SPATA16: variants seen among roughly 807,000 people sequenced by gnomAD.
SPATA16 encodes the protein spermatogenesis-associated protein 16.
Under a neutral mutation model 63.3 loss-of-function variants are expected in SPATA16, and 36 were observed. The observed-to-expected ratio is 0.57, with a 90% CI of 0.44 to 0.75. The LOEUF (loss-of-function observed/expected upper bound fraction) is 0.75, where lower values mean the gene tolerates loss of function less well. Ranked by LOEUF, SPATA16 falls within the 30% of genes least tolerant of loss-of-function variation. SPATA16 has a pLI of 0.00. For synonymous variants in SPATA16, 203 were observed against 216.7 expected, an observed-to-expected ratio of 0.94 and a Z score of 0.56; for missense variants, 646 against 679.3, an observed-to-expected ratio of 0.95 and a Z score of 0.54.
intron 2 of SPATA16, among the ~76,000 whole-genome samples, chr3:173,062,972 G>A (rs895276647): frequency 1.3e-5 from 2 of 152,162 alleles, no homozygotes; most frequent in African/African-American, 4.8e-5. Flanking sequence ...AGTAATGCTC[G>A]CTGGCCCCCC....
chr3:173,022,262 A>C (rs866254490), intron 3 of SPATA16, among the ~76,000 whole-genome samples: 1 of 152,222 alleles, frequency 6.6e-6, no homozygotes, highest in African/African-American at 2.4e-5. Context: ...GAGTTTAGAA[A>C]TCACTATTGC....
chr3:173,031,572 A>G (rs1735610221), intron 3 of SPATA16, among the ~76,000 whole-genome samples: 1 of 152,044 alleles, frequency 6.6e-6, no homozygotes, highest in Non-Finnish European at 1.5e-5. Context: ...GTTGCTTCTT[A>G]GAGAGTCTTT....
chr3:173,020,036 C>T (rs1735288258), intron 3 of SPATA16, among the ~76,000 whole-genome samples: 1 of 151,084 alleles, frequency 6.6e-6, no homozygotes, highest in Non-Finnish European at 1.5e-5. Flanking sequence ...TGGCTCATGC[C>T]TGTAATCCCA....
At chr3:173,049,342 G>A (rs546626297) in intron 2 of SPATA16, among the ~76,000 whole-genome samples, 26 of 152,100 alleles carry the variant, frequency 1.7e-4, no homozygotes, top group Middle Eastern at 3.4e-3. Flanking sequence ...TAAAATAAGG[G>A]ACACATTGTA....
At chr3:172,954,218 C>T (rs1733517399) in intron 6 of SPATA16, among the ~76,000 whole-genome samples, 1 of 152,198 alleles carries the variant, frequency 6.6e-6, no homozygotes, top group Admixed American at 6.5e-5. Context: ...GCCTCACAAT[C>T]ATGGTGGAAG....
At position 173,069,957 on chromosome 3, in the gene SPATA16, G is replaced by GAA. The variant is rs35163779; in HGVS notation, c.613-20865_613-20864dup. ...AACATTCCCTTCATGATAAAAAGACGAAAAAAAAAAACTGGGTGTAGAGGG... is the reference window on the plus strand; with the variant it reads ...AACATTCCCTTCATGATAAAAAGACGAAAAAAAAAAAAACTGGGTGTAGAGGG... On this transcript the variant is annotated intron_variant, in intron 2 of 10. Coordinates refer to ENST00000351008, the MANE Select transcript of SPATA16 (RefSeq NM_031955.6). Among the ~76,000 whole-genome samples the GAA allele has an allele frequency of 3.8e-3, 564 of 147,168 alleles. 2 individuals are homozygous for GAA. The highest frequency in any genetic ancestry group is 0.012 in the African/African-American group (498 of 40,370).
chr3:173,020,492 C>A (rs1157327308), intron 3 of SPATA16, among the ~76,000 whole-genome samples: 2 of 152,140 alleles, frequency 1.3e-5, no homozygotes, highest in Admixed American at 1.3e-4. Flanking sequence ...AATGACAAGG[C>A]TTGACTTGTG....
intron 4 of SPATA16, 111 bp from the exon 5 acceptor site, chr3:172,977,163 A>C (rs1734182155): frequency 1.1e-6 from 1 of 907,040 alleles, no homozygotes; most frequent in South Asian, 1.5e-5. Context: ...TTAATGTATA[A>C]ATTTGTCTAG....
At chr3:173,124,088 G>A (rs1451234773) in intron 1 of SPATA16, among the ~76,000 whole-genome samples, 1 of 152,172 alleles carries the variant, frequency 6.6e-6, no homozygotes, top group Non-Finnish European at 1.5e-5. Flanking sequence ...GCCACCAAAT[G>A]AGGAAAATGG....
chr3:173,138,168 C>A (rs1738603169), intron 1 of SPATA16, among the ~76,000 whole-genome samples: 1 of 152,086 alleles, frequency 6.6e-6, no homozygotes, highest in South Asian at 2.1e-4. Flanking sequence ...GCATTGAATT[C>A]TTCTGCCTGA....
Position 172,954,535 on chromosome 3 carries a change from C to T in SPATA16, c.1081+2142G>A, listed in dbSNP as rs567519322. ...CTAGGCCCTATCTGTCTTTATGTTA[C>T]TTACTTCTTAGCTATTACCTTCGGC... On this transcript the variant is annotated intron_variant, in intron 6 of 10. Transcript: ENST00000351008. Among the ~76,000 whole-genome samples, 172 of 152,286 alleles carry T rather than the reference C, an allele frequency of 1.1e-3. 1 individual carries two copies. The highest frequency in any genetic ancestry group is 4.0e-3 in the African/African-American group (168 of 41,572).
intron 6 of SPATA16, among the ~76,000 whole-genome samples, chr3:172,940,656 C>T (rs1036535921): frequency 5.3e-5 from 8 of 152,098 alleles, no homozygotes; most frequent in African/African-American, 1.7e-4. Context: ...ACCTATATAA[C>T]TTGAACATGT....
intron 4 of SPATA16, among the ~76,000 whole-genome samples, chr3:173,009,002 A>G (rs1379773500): frequency 6.6e-6 from 1 of 152,200 alleles, no homozygotes; most frequent in African/African-American, 2.4e-5. Flanking sequence ...AAATTCATGA[A>G]TTCTGCAAAT....
chr3:172,889,386 G>T lies in SPATA16; in HGVS notation c.*184C>A. On this transcript the variant is annotated 3_prime_UTR_variant, in exon 11 of 11. Transcript: ENST00000351008. ...GTCAAACTTGCTGAGAATATTTATTGCTGCCAGTTGAGATTAATGAAACAT... is the reference window on the plus strand; with the variant it reads ...GTCAAACTTGCTGAGAATATTTATTTCTGCCAGTTGAGATTAATGAAACAT... 1.2e-6 allele frequency: 1 copy of T among 824,718 alleles called. No homozygotes were observed. Among genetic ancestry groups the T allele is most frequent in the Non-Finnish European group, 1.9e-6 (1 of 517,834 alleles). The allele number at this position is 824,718 out of a possible 1,614,324, so 51.1% of individuals were successfully genotyped here.
intron 2 of SPATA16, among the ~76,000 whole-genome samples, chr3:173,110,300 G>A (rs974375884): frequency 6.6e-6 from 1 of 152,170 alleles, no homozygotes; most frequent in African/African-American, 2.4e-5. Flanking sequence ...TGTGCGAGAG[G>A]CAGTTAGTAG....
intron 5 of SPATA16, among the ~76,000 whole-genome samples, chr3:172,960,911 TCC>T (rs1478621653): frequency 4.3e-4 from 63 of 147,862 alleles, no homozygotes; most frequent in East Asian, 5.9e-4. Flanking sequence ...CCTTCCTCCC[TCC>T]CTCCCTTCCT....
At chr3:173,027,762 A>C (rs1489454335) in intron 3 of SPATA16, among the ~76,000 whole-genome samples, 2 of 151,752 alleles carry the variant, frequency 1.3e-5, no homozygotes, top group Non-Finnish European at 2.9e-5. Context: ...CCCAAAGCAG[A>C]GGGTTTATGC....
intron 3 of SPATA16, among the ~76,000 whole-genome samples, chr3:173,029,467 C>A (rs1289755562): frequency 1.4e-5 from 2 of 147,292 alleles, no homozygotes; most frequent in South Asian, 2.1e-4. Flanking sequence ...GTTCTCTGAA[C>A]CATAGATCCC....
At chr3:173,048,731 C>T (rs1173183612) in intron 3 of SPATA16, among the ~76,000 whole-genome samples, 3 of 152,098 alleles carry the variant, frequency 2.0e-5, no homozygotes, top group African/African-American at 7.2e-5. Flanking sequence ...TAGTTTTGCC[C>T]TGCATTATGA....
Sources: allele counts gnomAD v4.1 joint callset (sites outside exome capture counted in the v4.1 genomes callset), GRCh38; gene constraint gnomAD v4.1.1; transcripts MANE v1.5; gene names NCBI Gene and HGNC (gene_info 2026-07-23, HGNC 2026-07-21).